Variants in DCDC1 observed in about 807,000 individuals in gnomAD.
DCDC1 encodes the protein doublecortin domain containing 1, also known as doublecortin domain-containing protein 1.
In DCDC1, 200 loss-of-function variants were observed where a neutral mutation model predicts 178.3. The ratio of observed to expected loss-of-function variants is 1.12; its 90% CI spans 1.00 to 1.26. The LOEUF is 1.26. Among genes scored for constraint, DCDC1 ranks in the 50% most tolerant of loss-of-function variants. DCDC1 has a pLI of 0.00. For missense variants in DCDC1, 1,983 were observed against 1,749.2 expected, an observed-to-expected ratio of 1.13 and a Z score of -2.38; for synonymous variants, 690 against 604.8, an observed-to-expected ratio of 1.14 and a Z score of -2.07.
intron 7 of DCDC1, among the ~76,000 whole-genome samples, chr11:31,276,275 C>T (rs1050338068): frequency 3.9e-5 from 6 of 152,094 alleles, no homozygotes; most frequent in African/African-American, 1.4e-4. Context: ...AAAAAGCAAA[C>T]CATTTAATTA....
At chr11:31,195,641 C>T (rs897037390) in intron 9 of DCDC1, among the ~76,000 whole-genome samples, 8 of 152,002 alleles carry the variant, frequency 5.3e-5, no homozygotes, top group African/African-American at 1.7e-4. Context: ...TTCTTTCATA[C>T]TATCCAATCA....
intron 37 of DCDC1, 39 bp downstream of exon 37, chr11:30,881,119 T>C: frequency 6.2e-7 from 1 of 1,607,360 alleles, no homozygotes; most frequent in Non-Finnish European, 8.5e-7. Flanking sequence ...ATGCTTTAAT[T>C]CTTCAAAGAC....
chr11:31,004,518 GAA>G (rs11461869), intron 20 of DCDC1, among the ~76,000 whole-genome samples: 3 of 138,256 alleles, frequency 2.2e-5, no homozygotes, highest in African/African-American at 8.1e-5. Context: ...CTAAACATAC[GAA>G]AAAAAAAAAA....
At chr11:31,240,766 T>C (rs1458047571) in intron 9 of DCDC1, among the ~76,000 whole-genome samples, 3 of 152,066 alleles carry the variant, frequency 2.0e-5, no homozygotes, top group African/African-American at 7.2e-5. Context: ...TCCATTTTTA[T>C]GTTATAAATG....
At chr11:31,213,101 C>G (rs1297897160) in intron 9 of DCDC1, among the ~76,000 whole-genome samples, 262 of 10,706 alleles carry the variant, frequency 0.024, no homozygotes, top group African/African-American at 0.059. Context: ...AAAGCCCAGC[C>G]TCTCTCTCTC....
intron 7 of DCDC1, among the ~76,000 whole-genome samples, chr11:31,273,586 C>T (rs1012960373): frequency 6.6e-6 from 1 of 152,172 alleles, no homozygotes; most frequent in African/African-American, 2.4e-5. Context: ...CAACAAGTCT[C>T]TAGGGAGCTC....
chr11:30,986,378 G>T (rs1300900891), intron 20 of DCDC1, among the ~76,000 whole-genome samples: 1 of 150,248 alleles, frequency 6.7e-6, no homozygotes, highest in East Asian at 1.9e-4. Context: ...CTGTCGCCAG[G>T]CTGGAGTGCA....
chr11:31,252,586 G>A (rs888184006), intron 8 of DCDC1, among the ~76,000 whole-genome samples: 1 of 152,014 alleles, frequency 6.6e-6, no homozygotes, highest in African/African-American at 2.4e-5. Context: ...GGAAAACTGT[G>A]TACAATTTAG....
intron 8 of DCDC1, among the ~76,000 whole-genome samples, chr11:31,256,438 T>C (rs1203261801): frequency 1.3e-5 from 2 of 152,194 alleles, no homozygotes; most frequent in Non-Finnish European, 2.9e-5. Flanking sequence ...TTTCTAGATG[T>C]CTCACAAAAC....
intron 9 of DCDC1, among the ~76,000 whole-genome samples, chr11:31,218,078 T>C (rs1973799777): frequency 6.6e-6 from 1 of 152,096 alleles, no homozygotes; most frequent in Non-Finnish European, 1.5e-5. Flanking sequence ...TCCTAAATTT[T>C]TATCTTTTAC....
chr11:31,364,484 G>A (rs1226733545), intron 1 of DCDC1, among the ~76,000 whole-genome samples: 1 of 152,164 alleles, frequency 6.6e-6, no homozygotes, highest in Non-Finnish European at 1.5e-5. Flanking sequence ...CATTAGATGT[G>A]AAGATAGGAA....
At chr11:31,055,352 G>A (rs1955516699) in intron 20 of DCDC1, among the ~76,000 whole-genome samples, 1 of 152,190 alleles carries the variant, frequency 6.6e-6, no homozygotes, top group Non-Finnish European at 1.5e-5. Flanking sequence ...CATGGATGCG[G>A]TGAACAGGGA....
intron 20 of DCDC1, among the ~76,000 whole-genome samples, chr11:31,000,569 T>C (rs1416274618): frequency 2.0e-5 from 3 of 152,110 alleles, no homozygotes; most frequent in East Asian, 3.9e-4. Flanking sequence ...ATTGCAAGTC[T>C]CTAAGTGAGT....
intron 7 of DCDC1, among the ~76,000 whole-genome samples, chr11:31,283,647 C>T (rs1946611391): frequency 6.6e-6 from 1 of 152,080 alleles, no homozygotes; most frequent in Non-Finnish European, 1.5e-5. Context: ...TCCTCTCCAA[C>T]TGGTCAAAAT....
At chr11:30,991,832 T>C (rs1452479065) in intron 20 of DCDC1, among the ~76,000 whole-genome samples, 1 of 152,140 alleles carries the variant, frequency 6.6e-6, no homozygotes, top group Non-Finnish European at 1.5e-5. Context: ...TGGGAACATA[T>C]AAGACAAAGA....
chr11:31,070,748 T>C (rs1040529348), intron 18 of DCDC1, among the ~76,000 whole-genome samples: 1 of 152,112 alleles, frequency 6.6e-6, no homozygotes, highest in African/African-American at 2.4e-5. Context: ...TTTATGAGAT[T>C]TTTTCCCATA....
chr11:31,216,769 C>A (rs947725836), intron 9 of DCDC1, among the ~76,000 whole-genome samples: 9 of 152,104 alleles, frequency 5.9e-5, no homozygotes, highest in African/African-American at 2.2e-4. Flanking sequence ...GGTCTGTGGC[C>A]TTCAATTTTA....
At chr11:31,315,436 A>T (rs1949034209) in intron 3 of DCDC1, among the ~76,000 whole-genome samples, 1 of 142,916 alleles carries the variant, frequency 7.0e-6, no homozygotes, top group African/African-American at 2.6e-5. Flanking sequence ...TCCCAGGTTC[A>T]CGCCATCCTC....
chr11:31,361,948 T>C (rs1951730551), intron 1 of DCDC1, among the ~76,000 whole-genome samples: 1 of 152,152 alleles, frequency 6.6e-6, no homozygotes, highest in Admixed American at 6.5e-5. Flanking sequence ...ACAGGATATA[T>C]TGTGGGCTAA....
Sources: gnomAD v4.1 joint callset for allele counts (sites outside exome capture counted in the v4.1 genomes callset) on GRCh38, gnomAD v4.1.1 for gene constraint, MANE v1.5 for transcripts, NCBI Gene and HGNC (gene_info 2026-07-23, HGNC 2026-07-21) for gene names.